The following CNBD1 variants were observed in gnomAD, a reference collection of about 807,000 sequenced individuals.
CNBD1 encodes the protein cyclic nucleotide-binding domain-containing protein 1.
A neutral mutation model predicts 54.4 loss-of-function variants in CNBD1; 71 were observed. The ratio of observed to expected loss-of-function variants is 1.30; its 90% CI spans 1.08 to 1.59. The LOEUF (loss-of-function observed/expected upper bound fraction) is 1.59. Ranked by LOEUF, CNBD1 falls within the 40% of genes most tolerant of loss-of-function variation. CNBD1 has a pLI of 0.00. For synonymous variants in CNBD1, 182 were observed against 170.7 expected, an observed-to-expected ratio of 1.07 and a Z score of -0.51; for missense variants, 659 against 518.0, an observed-to-expected ratio of 1.27 and a Z score of -2.64.
intron 4 of CNBD1, among the ~76,000 whole-genome samples, chr8:86,996,417 C>G (rs945869600): frequency 6.6e-6 from 1 of 152,170 alleles, no homozygotes; most frequent in African/African-American, 2.4e-5. Flanking sequence ...AAAATTCTAT[C>G]TGAGCACAAA....
At chr8:87,337,099 G>A (rs527987467) in intron 8 of CNBD1, among the ~76,000 whole-genome samples, 2 of 152,216 alleles carry the variant, frequency 1.3e-5, no homozygotes, top group East Asian at 1.9e-4. Context: ...CTGACCTTGA[G>A]GGGCACAGAC....
intron 5 of CNBD1, among the ~76,000 whole-genome samples, chr8:87,214,873 C>T (rs1376892279): frequency 6.6e-6 from 1 of 152,062 alleles, no homozygotes; most frequent in Non-Finnish European, 1.5e-5. Context: ...CAGTTATCTC[C>T]CACCTGGTCC....
chr8:86,896,841 C>G (rs1225262248), intron 2 of CNBD1, among the ~76,000 whole-genome samples: 1 of 151,454 alleles, frequency 6.6e-6, no homozygotes, highest in Non-Finnish European at 1.5e-5. Context: ...AAGATTGATA[C>G]CTAAAGTATG....
chr8:87,305,575 A>C lies in CNBD1; in HGVS notation c.1042+18904A>C, dbSNP rs200021296. 9.9e-5 allele frequency among the ~76,000 whole-genome samples: 15 copies of C among 152,278 alleles called. No homozygotes were observed. The East Asian group carries it at 2.7e-3, about 27-fold the overall frequency. ...AAATAGGCACATAGACCCATGGAAC[A>C]GAATAGAGAACACAGAAATAAACCC... On this transcript the variant is annotated intron_variant, in intron 8 of 10. Coordinates refer to ENST00000518476, the MANE Select transcript of CNBD1 (RefSeq NM_173538.3).
intron 8 of CNBD1, among the ~76,000 whole-genome samples, chr8:87,332,648 T>C (rs1275191419): frequency 6.6e-6 from 1 of 152,170 alleles, no homozygotes; most frequent in Non-Finnish European, 1.5e-5. Flanking sequence ...CTTTCCCCAT[T>C]GCTTGATTTT....
rs944363864 is a variant in CNBD1, at chr8:87,335,006, G to A, written c.1043-16679G>A. ...CCCAAAGTGCTGGGATTACATGCATGAGCCACTGTGCCCAGCCAAGTTTCT... is the reference window on the plus strand; with the variant it reads ...CCCAAAGTGCTGGGATTACATGCATAAGCCACTGTGCCCAGCCAAGTTTCT... On this transcript the variant is annotated intron_variant, in intron 8 of 10. Coordinates refer to ENST00000518476, the MANE Select transcript of CNBD1 (RefSeq NM_173538.3). 3.9e-5 allele frequency among the ~76,000 whole-genome samples: 6 copies of A among 152,070 alleles called. No individual in the cohort carries two copies. The East Asian group carries it at 9.6e-4, about 24-fold the overall frequency.
At chr8:87,399,593 C>T (rs1241282143) in intron 2 of CNBD1, among the ~76,000 whole-genome samples, 4 of 151,968 alleles carry the variant, frequency 2.6e-5, no homozygotes, top group Admixed American at 2.6e-4. Context: ...AAAGTTCAAT[C>T]AAATGAGAGC....
intron 6 of CNBD1, among the ~76,000 whole-genome samples, chr8:87,280,062 A>G (rs1231546351): frequency 1.3e-5 from 2 of 151,614 alleles, no homozygotes; most frequent in Non-Finnish European, 3.0e-5. Flanking sequence ...ATTTAAGCAT[A>G]CAGACCCATC....
chr8:87,389,902 A>G (rs1294889464), intron 2 of CNBD1, among the ~76,000 whole-genome samples: 3 of 152,190 alleles, frequency 2.0e-5, no homozygotes, highest in Non-Finnish European at 4.4e-5. Context: ...AAACAGAGAT[A>G]TAGACCAATG....
At chr8:87,188,448 G>A (rs1167185496) in intron 4 of CNBD1, among the ~76,000 whole-genome samples, 1 of 152,142 alleles carries the variant, frequency 6.6e-6, no homozygotes, top group Admixed American at 6.6e-5. Flanking sequence ...AAATGAAGGA[G>A]GCTCGGTGCG....
At chr8:87,121,545 T>C (rs1811889958) in intron 4 of CNBD1, among the ~76,000 whole-genome samples, 1 of 151,748 alleles carries the variant, frequency 6.6e-6, no homozygotes. Flanking sequence ...TAATTTACTC[T>C]TCTAGTTATT....
At chr8:87,304,858 A>G (rs1374043948) in intron 8 of CNBD1, among the ~76,000 whole-genome samples, 1 of 152,084 alleles carries the variant, frequency 6.6e-6, no homozygotes, top group Non-Finnish European at 1.5e-5. Flanking sequence ...GAACAAGAGA[A>G]GGATGCCCAC....
At chr8:87,212,839 A>G (rs1281631319) in intron 5 of CNBD1, among the ~76,000 whole-genome samples, 1 of 152,178 alleles carries the variant, frequency 6.6e-6, no homozygotes, top group East Asian at 1.9e-4. Context: ...AGACAAAGAA[A>G]AAATTGAATA....
intron 4 of CNBD1, among the ~76,000 whole-genome samples, chr8:87,086,301 C>A (rs927901537): frequency 1.3e-5 from 2 of 152,180 alleles, no homozygotes; most frequent in African/African-American, 4.8e-5. Flanking sequence ...GCTCCTCTGT[C>A]CTTGGAGACA....
At chr8:87,113,727 G>A (rs1811713221) in intron 4 of CNBD1, among the ~76,000 whole-genome samples, 1 of 152,098 alleles carries the variant, frequency 6.6e-6, no homozygotes, top group East Asian at 1.9e-4. Context: ...AGACCATCCT[G>A]GCTAACACGG....
intron 6 of CNBD1, among the ~76,000 whole-genome samples, chr8:87,246,088 G>GT (rs886098832): frequency 5.9e-5 from 9 of 151,826 alleles, no homozygotes; most frequent in African/African-American, 1.7e-4. Context: ...CAGTTTTGGT[G>GT]TTTTTTTGTA....
At chr8:87,010,092 A>G (rs1809183868) in intron 4 of CNBD1, among the ~76,000 whole-genome samples, 1 of 152,048 alleles carries the variant, frequency 6.6e-6, no homozygotes, top group African/African-American at 2.4e-5. Context: ...TTTTCCCAAA[A>G]TTTGTTGTTT....
At chr8:87,101,624 G>A (rs1811430559) in intron 4 of CNBD1, among the ~76,000 whole-genome samples, 1 of 152,002 alleles carries the variant, frequency 6.6e-6, no homozygotes, top group Non-Finnish European at 1.5e-5. Context: ...GACATGAATG[G>A]TTTTATCTAC....
intron 3 of CNBD1, among the ~76,000 whole-genome samples, chr8:86,909,041 C>G (rs1221217286): frequency 6.6e-6 from 1 of 152,114 alleles, no homozygotes; most frequent in African/African-American, 2.4e-5. Context: ...CAGGCGTGAG[C>G]CACTGCGCGG....
Sources: allele counts gnomAD v4.1 joint callset (sites outside exome capture counted in the v4.1 genomes callset), GRCh38; gene constraint gnomAD v4.1.1; transcripts MANE v1.5; gene names NCBI Gene and HGNC (gene_info 2026-07-23, HGNC 2026-07-21).